PGS1: variants seen among roughly 807,000 people sequenced by gnomAD.
The protein encoded by PGS1 is phosphatidylglycerophosphate synthase 1.
Under a neutral mutation model 58.3 loss-of-function variants are expected in PGS1, and 44 were observed. That is an observed-to-expected ratio of 0.75 (90% CI 0.59 to 0.97). The LOEUF (loss-of-function observed/expected upper bound fraction) is 0.97, where lower values mean the gene tolerates loss of function less well. Among genes scored for constraint, PGS1 ranks in the 50% least tolerant of loss-of-function variants. The pLI is 0.00. For missense variants in PGS1, 684 were observed against 731.1 expected, an observed-to-expected ratio of 0.94 and a Z score of 0.74; for synonymous variants, 330 against 311.0, an observed-to-expected ratio of 1.06 and a Z score of -0.64.
chr17:78,419,560 C>T lies in PGS1; in HGVS notation c.1566C>T (p.Leu522=). ...CTCTTCCTCAGGAGCAAGAGCAGCTCTACCTGAGGTCAGGTGTGGTGTCCT... is the reference window on the plus strand; with the variant it reads ...CTCTTCCTCAGGAGCAAGAGCAGCTTTACCTGAGGTCAGGTGTGGTGTCCT... The part of the protein sequence containing the change: ...QQQLHQEQEQ[L]YLRSGVVSSA... Residue 522 remains leucine (L), a synonymous_variant, in exon 9 of 10, where the codon CTC becomes CTT. Coordinates refer to ENST00000262764, the MANE Select transcript of PGS1 (RefSeq NM_024419.5). 2.5e-6 allele frequency: 4 copies of T among 1,613,954 alleles called. No homozygotes were observed. The highest frequency in any genetic ancestry group is 3.4e-6 in the Non-Finnish European group (4 of 1,179,874).
rs375053970 is a variant in PGS1 at position 78,379,301 on chromosome 17, TCCTG to T, written c.143+496_143+499del. On this transcript the variant is annotated intron_variant, in intron 1 of 9. Coordinates refer to ENST00000262764, the MANE Select transcript of PGS1 (RefSeq NM_024419.5). ...TTTTGTGTATAGAGCGTTTCTCACA[TCCTG>T]CCAGAAAAAGCTGTGAAGCAATCCT... 1.4e-3 allele frequency among the ~76,000 whole-genome samples: 212 copies of T among 152,230 alleles called. 2 individuals are homozygous for T. In the South Asian group the frequency reaches 0.017, roughly 12 times the overall value.
chr17:78,410,982 A>T (rs952351311), intron 7 of PGS1, among the ~76,000 whole-genome samples: 2 of 152,300 alleles, frequency 1.3e-5, no homozygotes, highest in Middle Eastern at 3.4e-3. Flanking sequence ...TAATAAGCAG[A>T]TGCGTCTCTA....
intron 3 of PGS1, among the ~76,000 whole-genome samples, chr17:78,396,949 T>C (rs4969182): frequency 0.46 from 70,700 of 152,064 alleles, 16,997 homozygotes; most frequent in Admixed American, 0.53. Context: ...AAATATTTAC[T>C]CTCTGGCCGT....
At chr17:78,401,266 G>A (rs975036954) in intron 6 of PGS1, among the ~76,000 whole-genome samples, 3 of 152,170 alleles carry the variant, frequency 2.0e-5, no homozygotes, top group Non-Finnish European at 4.4e-5. Context: ...GAACACGTGT[G>A]CCTGGGCGAG....
At chr17:78,416,369 G>A (rs2085190570) in intron 8 of PGS1, among the ~76,000 whole-genome samples, 1 of 152,238 alleles carries the variant, frequency 6.6e-6, no homozygotes, top group Admixed American at 6.5e-5. Flanking sequence ...TACTTCAATT[G>A]CAGAGAGCCG....
Position 78,413,703 on chromosome 17 carries a change from C to A in PGS1, c.1403-1176C>A, listed in dbSNP as rs115887243. 2.8e-3 allele frequency among the ~76,000 whole-genome samples: 419 copies of A among 152,312 alleles called. 1 individual carries two copies. Among genetic ancestry groups the A allele is most frequent in the African/African-American group, 8.6e-3 (357 of 41,570 alleles). On this transcript the variant is annotated intron_variant, in intron 7 of 9. Coordinates refer to ENST00000262764, the MANE Select transcript of PGS1 (RefSeq NM_024419.5). ...CCTGGGTGCCCTGTGGGAGGAAGGG[C>A]GTCTCAGGCAGCACGTGTCCTTGGG... is the stretch of plus-strand genomic sequence containing the variant.
rs374019281 is a variant in PGS1 at position 78,403,218 on chromosome 17, G to A, written c.881-350G>A. Among the ~76,000 whole-genome samples, 19 of 150,624 alleles carry A rather than the reference G, an allele frequency of 1.3e-4. No individual in the cohort carries two copies. In the East Asian group the frequency reaches 2.2e-3, roughly 17 times the overall value. ...TGGACCTGCTTCCTGGAGGCCCCCC[G>A]TATGTCCCCCCCAAGGAATTATCCC... On this transcript the variant is annotated intron_variant, in intron 6 of 9. Coordinates refer to ENST00000262764, the MANE Select transcript of PGS1 (RefSeq NM_024419.5).
intron 9 of PGS1, chr17:78,420,818 C>G (rs2085662678): frequency 6.6e-6 from 1 of 152,202 alleles, no homozygotes; most frequent in South Asian, 2.1e-4. Context: ...CCACTCTTGG[C>G]TTGTTTCTTC....
chr17:78,381,422 T>C (rs1567929246), intron 1 of PGS1, among the ~76,000 whole-genome samples: 1 of 152,186 alleles, frequency 6.6e-6, no homozygotes. Context: ...TGAGTGGTAG[T>C]GTAGGTTTCT....
At chr17:78,392,370 G>A (rs905955165) in intron 1 of PGS1, 106 bp from the exon 2 acceptor site, 20 of 687,934 alleles carry the variant, frequency 2.9e-5, no homozygotes, top group Admixed American at 5.9e-5. Flanking sequence ...CACAAGCAAC[G>A]CACCCATCTC....
Position 78,399,450 on chromosome 17 carries a change from G to A in PGS1, c.614G>A (p.Arg205Gln), listed in dbSNP as rs370915328. Residue 205 changes from arginine (R) to glutamine (Q), a missense_variant, in exon 5 of 10, where the codon CGG (arginine) becomes CAG (glutamine). Transcript: ENST00000262764. Reference protein sequence around the residue: ...FHTPHLRGLLRLLIPERFNET... With the variant: ...FHTPHLRGLLQLLIPERFNET... ...ACGCCGCACCTCCGTGGGCTGCTTC[G>A]GCTCCTCATCCCTGAGCGCTTCAAC... The A allele has an allele frequency of 2.4e-5, 38 of 1,613,986 alleles. No homozygotes were observed. The highest frequency in any genetic ancestry group is 3.1e-5 in the Non-Finnish European group (36 of 1,180,024).
chr17:78,421,637 T>G (rs1398054964), intron 9 of PGS1: 1 of 152,310 alleles, frequency 6.6e-6, no homozygotes, highest in Admixed American at 6.5e-5. Context: ...CAAAGGAATG[T>G]GCAGGGGCAC....
chr17:78,423,169 C>T (rs781116257), intron 9 of PGS1, among the ~76,000 whole-genome samples: 18 of 152,050 alleles, frequency 1.2e-4, no homozygotes, highest in South Asian at 1.0e-3. Context: ...TGACGTTTGC[C>T]GCTGTCTCCC....
chr17:78,388,500 AT>A lies in PGS1; in HGVS notation c.144-3964del, dbSNP rs756278042. The stretch of plus-strand genomic sequence containing the variant: ...AGGCACATGCCTCCACGCCTGGCTA[AT>A]TTTTTTTTTTTATTTTTTATTTTTT... On this transcript the variant is annotated intron_variant, in intron 1 of 9. Coordinates refer to ENST00000262764, the MANE Select transcript of PGS1 (RefSeq NM_024419.5). Among the ~76,000 whole-genome samples, 185 of 139,752 alleles carry A rather than the reference AT, an allele frequency of 1.3e-3. 1 individual carries two copies. Among genetic ancestry groups the A allele is most frequent in the African/African-American group, 4.0e-3 (138 of 34,628 alleles). The allele number at this position is 139,752 out of a possible 152,430, so 91.7% of individuals were successfully genotyped here.
chr17:78,416,521 A>G (rs2085201698), intron 8 of PGS1, among the ~76,000 whole-genome samples: 1 of 152,210 alleles, frequency 6.6e-6, no homozygotes, highest in Admixed American at 6.5e-5. Context: ...GGGTCCTGGT[A>G]CTGACCGTCC....
chr17:78,404,773 G>A (rs1489441199), intron 7 of PGS1, among the ~76,000 whole-genome samples: 1 of 152,102 alleles, frequency 6.6e-6, no homozygotes, highest in Admixed American at 6.5e-5. Context: ...CGATTCTCCT[G>A]CCTCAGCCTT....
At position 78,399,507 on chromosome 17, in the gene PGS1, A is replaced by C. The variant is rs1199915938; in HGVS notation, c.671A>C (p.Tyr224Ser). The change falls in exon 5 of 10, where the codon TAC becomes TCC. Residue 224 changes from tyrosine to serine, a missense_variant. Physicochemically the swap from Tyr to Ser is moderately radical, Grantham distance 144 (BLOSUM62 -2). Transcript: ENST00000262764. ...ETIGLQHIKVYLFDNSVILSG... is the reference protein window; with the variant it reads ...ETIGLQHIKVSLFDNSVILSG... Reference sequence around the variant, plus strand: ...ATCGGCCTCCAGCACATTAAGGTGTACCTCTTCGACAACAGCGTCATCTTG... The same window carrying C: ...ATCGGCCTCCAGCACATTAAGGTGTCCCTCTTCGACAACAGCGTCATCTTG... 1.2e-6 allele frequency: 2 copies of C among 1,614,000 alleles called. No individual in the cohort carries two copies. The highest frequency in any genetic ancestry group is 1.7e-6 in the Non-Finnish European group (2 of 1,180,032).
chr17:78,402,546 C>T (rs2083770799), intron 6 of PGS1, among the ~76,000 whole-genome samples: 1 of 152,118 alleles, frequency 6.6e-6, no homozygotes. Context: ...CTCCGAGGTT[C>T]AAGTGATTCT....
At chr17:78,414,191 A>G (rs1404580154) in intron 7 of PGS1, among the ~76,000 whole-genome samples, 2 of 152,154 alleles carry the variant, frequency 1.3e-5, no homozygotes, top group East Asian at 3.9e-4. Flanking sequence ...GACTCACTAC[A>G]TGTTCCTCAG....
Sources: allele counts gnomAD v4.1 joint callset (sites outside exome capture counted in the v4.1 genomes callset), GRCh38; gene constraint gnomAD v4.1.1; transcripts MANE v1.5; gene names NCBI Gene and HGNC (gene_info 2026-07-23, HGNC 2026-07-21).